IL31RA: variants seen among roughly 807,000 people sequenced by gnomAD.
IL31RA encodes interleukin 31 receptor A.
A neutral mutation model predicts 83.7 loss-of-function variants in IL31RA; 66 were observed. The observed-to-expected ratio is 0.79, with a 90% CI of 0.65 to 0.97. The LOEUF (loss-of-function observed/expected upper bound fraction) is 0.97, where lower values mean the gene tolerates loss of function less well. Among genes scored for constraint, IL31RA ranks in the 50% least tolerant of loss-of-function variants. IL31RA has a pLI of 0.00. For missense variants in IL31RA, 798 were observed against 919.4 expected (o/e 0.87, Z 1.71); for synonymous variants, 325 against 329.0 (o/e 0.99, Z 0.13).
At chr5:55,901,037 G>T (rs1748774495) in intron 8 of IL31RA, among the ~76,000 whole-genome samples, 1 of 152,104 alleles carries the variant, frequency 6.6e-6, no homozygotes, top group Non-Finnish European at 1.5e-5. Context: ...ACCTAGACTG[G>T]TTCAGACATT....
At chr5:55,887,608 C>T (rs557373806) in intron 5 of IL31RA, among the ~76,000 whole-genome samples, 5 of 151,068 alleles carry the variant, frequency 3.3e-5, no homozygotes, top group South Asian at 2.1e-4. Context: ...CGGGAATGGC[C>T]GGGCACGGTG....
chr5:55,922,766 C>T lies in IL31RA; in HGVS notation c.*5646C>T. 2 of 282,698 alleles carry T rather than the reference C, an allele frequency of 7.1e-6. No homozygotes were observed. Among genetic ancestry groups the T allele is most frequent in the Non-Finnish European group, 1.3e-5 (2 of 151,874 alleles). 17.5% of individuals were successfully genotyped at this position (282,698 alleles called of 1,614,324 possible). On this transcript the variant is annotated 3_prime_UTR_variant, in exon 15 of 15. Transcript: ENST00000652347. ...TATACTATTTTCATGTAATACTATA[C>T]TTCTATACTATTTTCATGTAATACT...
Position 55,907,340 on chromosome 5 carries a change from T to C in IL31RA, c.1253-19T>C. The C allele has an allele frequency of 1.3e-6, 2 of 1,542,354 alleles. No individual in the cohort carries two copies. Among genetic ancestry groups the C allele is most frequent in the East Asian group, 2.2e-5 (1 of 44,542 alleles). Reference sequence around the variant, plus strand: ...TGCCGTGCTCTGCACTTACACTTTTTTTTCTTTCTTTTTCACAGATAAATT... The same window carrying C: ...TGCCGTGCTCTGCACTTACACTTTTCTTTCTTTCTTTTTCACAGATAAATT... On this transcript the variant is annotated intron_variant, in intron 9 of 14. Transcript: ENST00000652347.
At chr5:55,878,021 T>C (rs1227727144) in intron 4 of IL31RA, among the ~76,000 whole-genome samples, 2 of 152,188 alleles carry the variant, frequency 1.3e-5, no homozygotes, top group Non-Finnish European at 2.9e-5. Flanking sequence ...TTTTTCCTTA[T>C]ATTTTTTCTT....
chr5:55,908,632 C>T (rs1028516159), intron 11 of IL31RA: 1 of 1,545,220 alleles, frequency 6.5e-7, no homozygotes, highest in Admixed American at 2.0e-5. Flanking sequence ...AGAGGAGAGT[C>T]CTGAGGAAAT....
chr5:55,873,197 A>T (rs1183384893), intron 4 of IL31RA, among the ~76,000 whole-genome samples: 1 of 152,156 alleles, frequency 6.6e-6, no homozygotes, highest in African/African-American at 2.4e-5. Context: ...ACTTAGCATA[A>T]TGTTTTCAAG....
At chr5:55,898,618 A>C (rs1290253283) in intron 7 of IL31RA, among the ~76,000 whole-genome samples, 4 of 146,544 alleles carry the variant, frequency 2.7e-5, no homozygotes, top group Non-Finnish European at 6.0e-5. Flanking sequence ...AAAAGATTTT[A>C]AATAACATAT....
intron 4 of IL31RA, 147 bp downstream of exon 4, chr5:55,872,598 G>A (rs1433612426): frequency 2.2e-5 from 4 of 181,176 alleles, no homozygotes; most frequent in East Asian, 1.8e-4. Flanking sequence ...TCTAATTAAA[G>A]AAGAAAGGAA....
intron 14 of IL31RA, 130 bp downstream of exon 14, chr5:55,915,058 T>G (rs1248339259): frequency 1.3e-6 from 1 of 752,454 alleles, no homozygotes; most frequent in Non-Finnish European, 2.4e-6. Context: ...TTGAAAAGTC[T>G]CAGGGAATGG....
chr5:55,878,812 G>A (rs192460572), intron 4 of IL31RA, among the ~76,000 whole-genome samples: 1 of 151,840 alleles, frequency 6.6e-6, no homozygotes, highest in Non-Finnish European at 1.5e-5. Context: ...CACCACACCT[G>A]GCTACTTTTT....
upstream of IL31RA, among the ~76,000 whole-genome samples, chr5:55,848,758 G>T (rs1744991256): frequency 6.6e-6 from 1 of 152,066 alleles, no homozygotes; most frequent in East Asian, 1.9e-4. Flanking sequence ...TGAGATGGGG[G>T]GGCTGCCTCA....
intron 4 of IL31RA, among the ~76,000 whole-genome samples, chr5:55,877,298 A>G (rs1746916113): frequency 1.3e-5 from 2 of 152,224 alleles, no homozygotes; most frequent in Admixed American, 6.5e-5. Flanking sequence ...TTACATCTGT[A>G]TCCACTGTAT....
At position 55,899,900 on chromosome 5, in the gene IL31RA, T is replaced by C; in HGVS notation, c.853-16T>C. ...TCTTTGTTATTGGCAATAAATTTTGTTTTCTTTGGGTTCAGAAGGCAAGAG... is the reference window on the plus strand; with the variant it reads ...TCTTTGTTATTGGCAATAAATTTTGCTTTCTTTGGGTTCAGAAGGCAAGAG... On this transcript the variant is annotated splice_polypyrimidine_tract_variant and intron_variant, in intron 7 of 14. Coordinates refer to ENST00000652347, the MANE Select transcript of IL31RA (RefSeq NM_139017.7). 1.9e-6 allele frequency: 3 copies of C among 1,605,726 alleles called. No individual in the cohort carries two copies. The South Asian group carries it at 3.3e-5, about 18-fold the overall frequency.
At chr5:55,891,649 C>T (rs1382618171) in intron 6 of IL31RA, among the ~76,000 whole-genome samples, 3 of 151,872 alleles carry the variant, frequency 2.0e-5, no homozygotes, top group African/African-American at 7.3e-5. Context: ...TTAGGACCCA[C>T]CTGGCTAATC....
intron 2 of IL31RA, among the ~76,000 whole-genome samples, chr5:55,861,657 T>G (rs558139268): frequency 4.6e-5 from 7 of 152,268 alleles, no homozygotes; most frequent in African/African-American, 1.7e-4. Flanking sequence ...TTGCTCTCCC[T>G]CTCATCAGCA....
intron 1 of IL31RA, among the ~76,000 whole-genome samples, chr5:55,859,087 A>G (rs968672040): frequency 6.6e-6 from 1 of 152,218 alleles, no homozygotes; most frequent in Non-Finnish European, 1.5e-5. Context: ...AATAAGGGGA[A>G]AGGAGCACTG....
At chr5:55,900,222 C>T in intron 8 of IL31RA, 90 bp downstream of exon 8, 1 of 940,840 alleles carries the variant, frequency 1.1e-6, no homozygotes, top group Non-Finnish European at 1.8e-6. Context: ...GGCTGTTTCT[C>T]TTGAGTCAAA....
At chr5:55,901,592 T>C (rs1395097933) in intron 8 of IL31RA, among the ~76,000 whole-genome samples, 44 of 28,682 alleles carry the variant, frequency 1.5e-3, no homozygotes, top group Non-Finnish European at 2.9e-3. Context: ...TTGTCATTAT[T>C]ATTATTATTA....
rs1561543278 is a variant in IL31RA, at chr5:55,867,198, T to TGCA, written c.155-1593_155-1592insGCA. Reference sequence around the variant, plus strand: ...GTGTGTGCATGTGTGTTTGTGTGTGTTTGTGTGTGTGCGCATGTGTGTTTG... The same window carrying TGCA: ...GTGTGTGCATGTGTGTTTGTGTGTGTGCATTGTGTGTGTGCGCATGTGTGTTTG... On this transcript the variant is annotated intron_variant, in intron 2 of 14. Coordinates refer to ENST00000652347, the MANE Select transcript of IL31RA (RefSeq NM_139017.7). 3.4e-4 allele frequency among the ~76,000 whole-genome samples: 7 copies of TGCA among 20,734 alleles called. 1 individual carries two copies. The highest frequency in any genetic ancestry group is 6.2e-4 in the African/African-American group (4 of 6,402). 13.6% of individuals were successfully genotyped at this position (20,734 alleles called of 152,430 possible). A position where few individuals can be genotyped will look rare whatever the true frequency, so the allele number is the denominator to read the frequency against.
Sources: allele counts gnomAD v4.1 joint callset (sites outside exome capture counted in the v4.1 genomes callset), GRCh38; gene constraint gnomAD v4.1.1; transcripts MANE v1.5; gene names NCBI Gene and HGNC (gene_info 2026-07-23, HGNC 2026-07-21).